CHRNE: variants seen among roughly 807,000 people sequenced by gnomAD.
CHRNE encodes the protein cholinergic receptor nicotinic epsilon subunit.
CHRNE carries 58 observed loss-of-function variants against 56.5 expected under a neutral mutation model. That is an observed-to-expected ratio of 1.03 (90% CI 0.83 to 1.28). CHRNE has a LOEUF of 1.28. CHRNE is among the 50% of genes most tolerant of loss of function. CHRNE has a pLI of 0.00. For synonymous variants in CHRNE, 385 were observed against 297.9 expected, an observed-to-expected ratio of 1.29 and a Z score of -3.01; for missense variants, 793 against 688.9, an observed-to-expected ratio of 1.15 and a Z score of -1.69.
At chr17:4,908,006 C>T (rs927881049), upstream of CHRNE, among the ~76,000 whole-genome samples, 2 of 152,014 alleles carry the variant, frequency 1.3e-5, no homozygotes, top group Non-Finnish European at 2.9e-5. Flanking sequence ...GAAACCCCGT[C>T]TCTACTAAAG....
In CHRNE at chr17:4,901,977, A is replaced by C. The variant is rs142901746; in HGVS notation, c.455T>G (p.Val152Gly). The C allele has an allele frequency of 6.2e-7, 1 of 1,610,880 alleles. No homozygotes were observed. Among genetic ancestry groups the C allele is most frequent in the Non-Finnish European group, 8.5e-7 (1 of 1,178,360 alleles). The change falls in exon 5 of 12, where the codon GTC becomes GGC. Residue 152 changes from valine (V) to glycine (G), a missense_variant. Val to Gly is a moderately radical substitution (Grantham distance 109). Coordinates refer to ENST00000649488, the MANE Select transcript of CHRNE (RefSeq NM_000080.4). ...AIYRSVCAVE[V>G]TYFPFDWQNC... ...CTGCCAATCGAAGGGGAAGTAGGTG[A>C]CCTCCACTGCGCAGACGCTGCGGTA...
rs1462554895 is a variant in CHRNE at position 4,901,026 on chromosome 17, C to T, written c.766G>A (p.Gly256Ser). The T allele has an allele frequency of 6.2e-7, 1 of 1,613,880 alleles. No homozygotes were observed. Among genetic ancestry groups the T allele is most frequent in the African/African-American group, 1.3e-5 (1 of 74,916 alleles). Residue 256 changes from glycine to serine, a missense_variant, in exon 7 of 12, where the codon GGC (glycine) becomes AGC (serine). By Grantham distance (56) the Gly-to-Ser change is moderately conservative. Coordinates refer to ENST00000649488, the MANE Select transcript of CHRNE (RefSeq NM_000080.4). ...AGGAAGTAGGCGAGCAGCACCAGGC[C>T]CGAGATGAGCACACAGGGCACGATG... is the stretch of plus-strand genomic sequence containing the variant. ...NIIVPCVLIS[G>S]LVLLAYFLPA...
rs1363310064 is a variant in CHRNE, at chr17:4,903,015, T to C, written c.46+3A>G. The stretch of plus-strand genomic sequence containing the variant: ...CAATTGCCCCTCTAGCCCCTGTCCG[T>C]ACCGAGAAGCCCCAAGAGGAGCAGG... On this transcript the variant is annotated splice_donor_region_variant and intron_variant, in intron 1 of 11. Transcript: ENST00000649488. 1.1e-5 allele frequency: 18 copies of C among 1,613,976 alleles called. No homozygotes were observed. Among genetic ancestry groups the C allele is most frequent in the Non-Finnish European group, 1.5e-5 (18 of 1,180,016 alleles).
chr17:4,904,887 T>C (rs1267613878), upstream of CHRNE, among the ~76,000 whole-genome samples: 2 of 152,246 alleles, frequency 1.3e-5, no homozygotes, highest in Non-Finnish European at 2.9e-5. Context: ...TGCTGCCTTA[T>C]CAACCCCACG....
In CHRNE at chr17:4,898,880, G is replaced by C. The variant is rs755412049; in HGVS notation, c.1338C>G (p.Asp446Glu). Residue 446 changes from aspartate to glutamate, a missense_variant, in exon 12 of 12, where the codon GAC becomes GAG. Asp to Glu is a conservative substitution (Grantham distance 45). Coordinates refer to ENST00000649488, the MANE Select transcript of CHRNE (RefSeq NM_000080.4). ...CAAGGGCATTCCCCATGCGCACCCA[G>C]TCGGACACTTCCTGGGGAAGGGTCG... ...DQEATGEEVS[D>E]WVRMGNALDN... 2 of 1,581,484 alleles carry C rather than the reference G, an allele frequency of 1.3e-6. No individual in the cohort carries two copies. Among genetic ancestry groups the C allele is most frequent in the Non-Finnish European group, 1.7e-6 (2 of 1,164,190 alleles).
upstream of CHRNE, among the ~76,000 whole-genome samples, chr17:4,907,934 T>C (rs1970111809): frequency 6.6e-6 from 1 of 151,678 alleles, no homozygotes; most frequent in Non-Finnish European, 1.5e-5. Flanking sequence ...CCCAGCACTT[T>C]GGGAGGCCGA....
In CHRNE at chr17:4,900,889, G is replaced by A. The variant is rs201841042; in HGVS notation, c.821C>T (p.Thr274Met). Residue 274 changes from threonine to methionine, a missense_variant, in exon 8 of 12, where the codon ACG becomes ATG. Thr to Met is a moderately conservative substitution (Grantham distance 81, BLOSUM62 -1). Transcript: ENST00000649488. Reference protein sequence around the residue: ...LPAQAGGQKCTVSINVLLAQT... With the variant: ...LPAQAGGQKCMVSINVLLAQT... ...GGCGAGCAGGACGTTGATGGAGACC[G>A]TGCATTTCTGGCCGCCGGCTGGAGG... is the stretch of plus-strand genomic sequence containing the variant. 8 of 1,614,184 alleles carry A rather than the reference G, an allele frequency of 5.0e-6. No individual in the cohort carries two copies. Among genetic ancestry groups the A allele is most frequent in the South Asian group, 2.2e-5 (2 of 91,084 alleles).
At chr17:4,908,442 C>T (rs1003657885) in intron 1 of CHRNE, among the ~76,000 whole-genome samples, 7 of 151,894 alleles carry the variant, frequency 4.6e-5, no homozygotes, top group African/African-American at 7.3e-5. Context: ...CACAGCAGTG[C>T]GTTCCTGCCA....
At position 4,902,471 on chromosome 17, in the gene CHRNE, G is replaced by A. The variant is rs764949297; in HGVS notation, c.213C>T (p.Thr71=). 3 of 1,614,176 alleles carry A rather than the reference G, an allele frequency of 1.9e-6. No homozygotes were observed. Among genetic ancestry groups the A allele is most frequent in the Non-Finnish European group, 2.5e-6 (3 of 1,180,026 alleles). The part of the protein sequence containing the change: ...ISLNEKEETL[T]TSVWIGIDWQ... Reference sequence around the variant, plus strand: ...TCACGATTCCAATCCAGACGCTAGTGGTGAGAGTCTCCTCTTTTTCATTCT... The same window carrying A: ...TCACGATTCCAATCCAGACGCTAGTAGTGAGAGTCTCCTCTTTTTCATTCT... Residue 71 remains threonine, a synonymous_variant, in exon 3 of 12, where the codon ACC becomes ACT. Transcript: ENST00000649488. The surrounding 1 kb of genome is among the most constrained non-coding windows in gnomAD (Gnocchi z 4.0).
At position 4,899,601 on chromosome 17, in the gene CHRNE, A is replaced by G. The variant is rs775834271; in HGVS notation, c.918-19T>C. On this transcript the variant is annotated intron_variant, in intron 8 of 11. Coordinates refer to ENST00000649488, the MANE Select transcript of CHRNE (RefSeq NM_000080.4). ...AAGGAACCTGAGGAGCCCGGAAGGC[A>G]TGACATCACCGTTCCTCCTCCCAGC... 2.0e-6 allele frequency: 3 copies of G among 1,537,698 alleles called. No individual in the cohort carries two copies. The East Asian group carries it at 7.1e-5, about 36-fold the overall frequency.
At position 4,899,513 on chromosome 17, in the gene CHRNE, G is replaced by C; in HGVS notation, c.987C>G (p.Ser329=). 1 of 1,604,430 alleles carries C rather than the reference G, an allele frequency of 6.2e-7. No homozygotes were observed. The highest frequency in any genetic ancestry group is 8.5e-7 in the Non-Finnish European group (1 of 1,176,678). Residue 329 remains serine (S), a synonymous_variant, in exon 9 of 12, where the codon TCC becomes TCG. Transcript: ENST00000649488. Reference sequence around the variant, plus strand: ...TGGCGTGGGTGGTGGGCGTCCGCTGGGACACGTTGAGCACGATGACGCAAT... The same window carrying C: ...TGGCGTGGGTGGTGGGCGTCCGCTGCGACACGTTGAGCACGATGACGCAAT... The part of the protein sequence containing the change: ...VMNCVIVLNV[S]QRTPTTHAMS...
Position 4,899,278 on chromosome 17 carries a change from C to A in CHRNE, c.1139G>T (p.Arg380Leu), listed in dbSNP as rs930096641. ...CTTTTTCAGTATCAGCTCCTCCGCG[C>A]GGAGCAATAAGCCCACCGACGACGC... ...RRASSVGLLL[R>L]AEELILKKPR... Residue 380 changes from arginine (R) to leucine (L), a missense_variant, in exon 10 of 12, where the codon CGC (arginine) becomes CTC (leucine). By Grantham distance (102) the Arg-to-Leu change is moderately radical. Coordinates refer to ENST00000649488, the MANE Select transcript of CHRNE (RefSeq NM_000080.4). 6.2e-7 allele frequency: 1 copy of A among 1,601,210 alleles called. No individual in the cohort carries two copies. Among genetic ancestry groups the A allele is most frequent in the Admixed American group, 1.7e-5 (1 of 59,810 alleles).
chr17:4,903,960 C>G (rs1453657200), upstream of CHRNE, among the ~76,000 whole-genome samples: 1 of 152,140 alleles, frequency 6.6e-6, no homozygotes, highest in Non-Finnish European at 1.5e-5. Context: ...CGGGTTCAAG[C>G]GATTCTCCTG....
At position 4,898,721 on chromosome 17, in the gene CHRNE, T is replaced by A; in HGVS notation, c.*15A>T. ...TTCCTACTGGAGATGGGTGGGAAAT[T>A]GAAGTCGGTGCGAGCTAAGGCTGGA... On this transcript the variant is annotated 3_prime_UTR_variant, in exon 12 of 12. Transcript: ENST00000649488. 1 of 1,606,962 alleles carries A rather than the reference T, an allele frequency of 6.2e-7. No homozygotes were observed. Among genetic ancestry groups the A allele is most frequent in the Non-Finnish European group, 8.5e-7 (1 of 1,177,258 alleles).
Position 4,900,797 on chromosome 17 carries a change from C to A in CHRNE, c.913G>T (p.Gly305Cys). Reference protein sequence around the residue: ...PETSLSVPLLGRFLIFVMVVA... With the variant: ...PETSLSVPLLCRFLIFVMVVA... ...CCGCGGGGGCTCCGGCTTCACCTGC[C>A]CAGGAGCGGCACGCTCAGAGAAGTC... The change falls in exon 8 of 12, where the codon GGC becomes TGC. Residue 305 changes from glycine to cysteine, a missense_variant. Gly to Cys is a radical substitution (Grantham distance 159). Transcript: ENST00000649488. 1 of 1,613,590 alleles carries A rather than the reference C, an allele frequency of 6.2e-7. No individual in the cohort carries two copies. The highest frequency in any genetic ancestry group is 8.5e-7 in the Non-Finnish European group (1 of 1,179,730).
In CHRNE at chr17:4,897,991, C is replaced by CCCCCCCCCCCCCCCCCCT. The variant is rs1555545738; in HGVS notation, c.*744_*745insAGGGGGGGGGGGGGGGGG. ...GCAAGTAACCCTTCTCCCTCCCCCCCCACCCCTCCTCAATGTAGTGGCCTT... is the reference window on the plus strand; with the variant it reads ...GCAAGTAACCCTTCTCCCTCCCCCCCCCCCCCCCCCCCCCCCCTCACCCCTCCTCAATGTAGTGGCCTT... On this transcript the variant is annotated 3_prime_UTR_variant, in exon 12 of 12. Transcript: ENST00000649488. 1.4e-5 allele frequency: 2 copies of CCCCCCCCCCCCCCCCCCT among 145,848 alleles called. No homozygotes were observed. Among genetic ancestry groups the CCCCCCCCCCCCCCCCCCT allele is most frequent in the African/African-American group, 2.5e-5 (1 of 40,238 alleles). 9.0% of individuals were successfully genotyped at this position (145,848 alleles called of 1,614,324 possible). A position where few individuals can be genotyped will look rare whatever the true frequency, so the allele number is the denominator to read the frequency against.
In CHRNE at chr17:4,899,520, T is replaced by C. The variant is rs989354140; in HGVS notation, c.980A>G (p.Asn327Ser). ...LIVMNCVIVL[N>S]VSQRTPTTHA... Reference sequence around the variant, plus strand: ...GGTGGTGGGCGTCCGCTGGGACACGTTGAGCACGATGACGCAATTCATGAC... The same window carrying C: ...GGTGGTGGGCGTCCGCTGGGACACGCTGAGCACGATGACGCAATTCATGAC... Residue 327 changes from asparagine (N) to serine (S), a missense_variant, in exon 9 of 12, where the codon AAC becomes AGC. Physicochemically the swap from Asn to Ser is conservative, Grantham distance 46. Transcript: ENST00000649488. 1.9e-6 allele frequency: 3 copies of C among 1,604,660 alleles called. No individual in the cohort carries two copies. Among genetic ancestry groups the C allele is most frequent in the Admixed American group, 3.4e-5 (2 of 58,892 alleles).
At chr17:4,901,690 C>T in intron 5 of CHRNE, 65 bp from the exon 6 acceptor site, 1 of 1,506,518 alleles carries the variant, frequency 6.6e-7, no homozygotes, top group Non-Finnish European at 9.2e-7. Flanking sequence ...TCAGGCCCAG[C>T]CCTGGAAGCT....
upstream of CHRNE, among the ~76,000 whole-genome samples, chr17:4,904,079 G>A (rs773137021): frequency 1.5e-4 from 23 of 152,234 alleles, 1 homozygote; most frequent in Middle Eastern, 0.01. Context: ...GGATGGTCTC[G>A]ATCTCCTGAC....
Sources: allele counts gnomAD v4.1 joint callset (sites outside exome capture counted in the v4.1 genomes callset), GRCh38; gene constraint gnomAD v4.1.1; non-coding constraint Gnocchi (gnomAD v3.1); transcripts MANE v1.5; gene names NCBI Gene and HGNC (gene_info 2026-07-23, HGNC 2026-07-21).